The following GATAD2A variants were observed in gnomAD, a reference collection of about 807,000 sequenced individuals.
The protein encoded by GATAD2A is GATA zinc finger domain containing 2A.
Under a neutral mutation model 68.5 loss-of-function variants are expected in GATAD2A, and 12 were observed. That is an observed-to-expected ratio of 0.18 (90% confidence interval 0.11 to 0.28). The LOEUF is 0.28. Among genes scored for constraint, GATAD2A ranks in the 10% least tolerant of loss-of-function variants. GATAD2A has a pLI of 1.00. For missense variants in GATAD2A, 755 were observed against 868.5 expected, an observed-to-expected ratio of 0.87 and a Z score of 1.64; for synonymous variants, 410 against 375.3, an observed-to-expected ratio of 1.09 and a Z score of -1.07.
chr19:19,409,992 G>A (rs551966735), intron 1 of GATAD2A, among the ~76,000 whole-genome samples: 73 of 152,316 alleles, frequency 4.8e-4, no homozygotes, highest in African/African-American at 1.7e-3. Flanking sequence ...AAGTGATTGG[G>A]AATCCACGAA....
intron 1 of GATAD2A, among the ~76,000 whole-genome samples, chr19:19,398,346 G>A (rs1056547398): frequency 2.2e-4 from 33 of 152,052 alleles, no homozygotes; most frequent in African/African-American, 8.0e-4. Context: ...TGAGATTACA[G>A]GCATGCACTA....
In GATAD2A at chr19:19,506,144, T is replaced by G. The variant is rs1054284; in HGVS notation, c.*670T>G. The G allele has an allele frequency of 0.38, 150,925 of 398,528 alleles. 30,666 individuals carry two copies. Among genetic ancestry groups the G allele is most frequent in the African/African-American group, 0.61 (29,763 of 48,562 alleles). 24.7% of individuals were successfully genotyped at this position (398,528 alleles called of 1,614,324 possible). On this transcript the variant is annotated 3_prime_UTR_variant, in exon 12 of 12. Coordinates refer to ENST00000683918, the MANE Select transcript of GATAD2A (RefSeq NM_001384528.1). Reference sequence around the variant, plus strand: ...CGGCCGGCCCGCCCCCGTGACTGACTGACAGATGCAGGGATGGCCGAGGCA... The same window carrying G: ...CGGCCGGCCCGCCCCCGTGACTGACGGACAGATGCAGGGATGGCCGAGGCA...
chr19:19,430,154 T>G (rs971258533), intron 1 of GATAD2A, among the ~76,000 whole-genome samples: 5 of 152,146 alleles, frequency 3.3e-5, no homozygotes, highest in African/African-American at 9.7e-5. Flanking sequence ...CATGGCTGTT[T>G]CCCAGAAATA....
intron 1 of GATAD2A, chr19:19,440,257 T>A (rs779494877): frequency 3.5e-4 from 87 of 247,586 alleles, no homozygotes; most frequent in Non-Finnish European, 6.6e-4. Context: ...TTATTTTTAT[T>A]TATTTTTTAT....
intron 2 of GATAD2A, among the ~76,000 whole-genome samples, chr19:19,469,435 A>AAAAAAAAG (rs986046869): frequency 2.0e-5 from 3 of 151,922 alleles, no homozygotes; most frequent in African/African-American, 7.3e-5. Context: ...CCATCTCAAA[A>AAAAAAAAG]AAAAAGAAAA....
In GATAD2A at chr19:19,440,279, TA is replaced by T. The variant is rs748568526; in HGVS notation, c.-6-25060del. On this transcript the variant is annotated intron_variant, in intron 1 of 11. Coordinates refer to ENST00000683918, the MANE Select transcript of GATAD2A (RefSeq NM_001384528.1). ...TATTTATTTTTTATTTTTATTTATT[TA>T]TTTTTTTTGAGATGGAGTCTTGCTC... 12 of 237,404 alleles carry T rather than the reference TA, an allele frequency of 5.1e-5. No homozygotes were observed. The East Asian group carries it at 1.5e-3, about 30-fold the overall frequency. The allele number at this position is 237,404 out of a possible 1,614,324, so 14.7% of individuals were successfully genotyped here. A position where few individuals can be genotyped will look rare whatever the true frequency, so the allele number is the denominator to read the frequency against.
intron 1 of GATAD2A, among the ~76,000 whole-genome samples, chr19:19,455,281 G>A (rs935341973): frequency 3.9e-5 from 6 of 152,038 alleles, no homozygotes; most frequent in African/African-American, 1.2e-4. Flanking sequence ...CCTGAGTTCA[G>A]GAGTTCGAGA....
intron 1 of GATAD2A, chr19:19,457,157 C>T (rs746178680): frequency 2.0e-6 from 2 of 985,316 alleles, no homozygotes; most frequent in Non-Finnish European, 2.4e-6. Context: ...GTGACTGACA[C>T]TCTTGCAGAA....
At chr19:19,499,157 CGCA>C (rs574481487) in intron 8 of GATAD2A, among the ~76,000 whole-genome samples, 130 of 152,238 alleles carry the variant, frequency 8.5e-4, no homozygotes, top group Non-Finnish European at 1.7e-3. Context: ...GGGGCAGGCT[CGCA>C]TGATCACCCT....
At chr19:19,497,340 C>T (rs1315469929) in intron 7 of GATAD2A, among the ~76,000 whole-genome samples, 3 of 152,266 alleles carry the variant, frequency 2.0e-5, no homozygotes, top group Non-Finnish European at 4.4e-5. Flanking sequence ...AAGTGATCCG[C>T]CCGACTTGGC....
At chr19:19,502,641 C>A in intron 11 of GATAD2A, 115 bp downstream of exon 11, 1 of 775,414 alleles carries the variant, frequency 1.3e-6, no homozygotes, top group African/African-American at 1.7e-5. Context: ...GCTTCCCAAG[C>A]TCAGCCTCCT....
At chr19:19,492,974 C>T (rs999689311) in intron 4 of GATAD2A, among the ~76,000 whole-genome samples, 1 of 146,714 alleles carries the variant, frequency 6.8e-6, no homozygotes, top group Non-Finnish European at 1.5e-5. Flanking sequence ...TGGAATCTCA[C>T]TCTGTCGCCA....
At chr19:19,408,186 C>T (rs1017499574) in intron 1 of GATAD2A, among the ~76,000 whole-genome samples, 5 of 152,302 alleles carry the variant, frequency 3.3e-5, no homozygotes, top group Admixed American at 2.0e-4. Context: ...GGGGTTTCAC[C>T]ATGCTGGCCA....
intron 1 of GATAD2A, among the ~76,000 whole-genome samples, chr19:19,388,148 C>G (rs2048587109): frequency 1.3e-5 from 2 of 151,756 alleles, no homozygotes; most frequent in Non-Finnish European, 2.9e-5. Flanking sequence ...ACCTCCGCCT[C>G]CTGGGTTCAA....
At chr19:19,463,378 T>C (rs2147991918) in intron 1 of GATAD2A, among the ~76,000 whole-genome samples, 1 of 152,120 alleles carries the variant, frequency 6.6e-6, no homozygotes, top group African/African-American at 2.4e-5. Flanking sequence ...ACAGAGACCA[T>C]AGAACTTCAG....
At chr19:19,492,811 C>T (rs2059891235) in intron 4 of GATAD2A, 99 bp downstream of exon 4, 1 of 1,242,440 alleles carries the variant, frequency 8.0e-7, no homozygotes, top group Non-Finnish European at 1.1e-6. Flanking sequence ...GAAAGGGCTT[C>T]CTTGAGGGAG....
intron 2 of GATAD2A, among the ~76,000 whole-genome samples, chr19:19,474,935 C>T (rs1047366199): frequency 6.6e-5 from 10 of 152,252 alleles, no homozygotes; most frequent in Non-Finnish European, 1.3e-4. Flanking sequence ...GCCCGTCACC[C>T]TTGTCCCTCT....
chr19:19,407,487 T>G (rs538401702), intron 1 of GATAD2A, among the ~76,000 whole-genome samples: 14 of 152,346 alleles, frequency 9.2e-5, no homozygotes, highest in South Asian at 2.1e-4. Context: ...CCAGGCGGCT[T>G]GCTCAAGGCC....
At chr19:19,456,300 G>A (rs772332608) in intron 1 of GATAD2A, among the ~76,000 whole-genome samples, 5 of 152,112 alleles carry the variant, frequency 3.3e-5, no homozygotes, top group South Asian at 2.1e-4. Context: ...AAGTCCCCTC[G>A]GGGTCCCGCA....
Sources: allele counts gnomAD v4.1 joint callset (sites outside exome capture counted in the v4.1 genomes callset), GRCh38; gene constraint gnomAD v4.1.1; transcripts MANE v1.5; gene names NCBI Gene and HGNC (gene_info 2026-07-23, HGNC 2026-07-21).